MED23: variants seen among roughly 807,000 people sequenced by gnomAD.
MED23 encodes the protein mediator of RNA polymerase II transcription subunit 23.
MED23 carries 105 observed loss-of-function variants against 163.9 expected under a neutral mutation model. That is an observed-to-expected ratio of 0.64 (90% CI 0.55 to 0.75). The LOEUF (loss-of-function observed/expected upper bound fraction) is 0.75. Among genes scored for constraint, MED23 ranks in the 30% least tolerant of loss-of-function variants. MED23 has a pLI of 0.00. For missense variants in MED23, 1,054 were observed against 1,649.0 expected (o/e 0.64, Z 6.25); for synonymous variants, 561 against 565.6 (o/e 0.99, Z 0.12).
intron 14 of MED23, 129 bp from the exon 15 acceptor site, chr6:131,604,449 G>T: frequency 9.4e-7 from 1 of 1,065,988 alleles, no homozygotes; most frequent in Non-Finnish European, 1.4e-6. Context: ...TTCATTTAAT[G>T]TGTTTAAGCT....
Position 131,621,897 on chromosome 6 carries a change from A to T in MED23, c.479T>A (p.Leu160His). ...NTVSSAVVQQ[L>H]LAAREVIAYI... ...CTAAATTACCTCTCTTGCTGCCAGA[A>T]GCTGCTGTACAACAGCAGAGCTCAC... is the stretch of plus-strand genomic sequence containing the variant. Residue 160 changes from leucine (L) to histidine (H), a missense_variant, in exon 6 of 29, where the codon CTT becomes CAT. Physicochemically the swap from Leu to His is moderately conservative, Grantham distance 99. This residue lies in a region of MED23 where 227 missense variants were observed against 235.5 expected (regional missense o/e 0.96). Coordinates refer to ENST00000368068, the MANE Select transcript of MED23 (RefSeq NM_004830.4). 1 of 1,607,472 alleles carries T rather than the reference A, an allele frequency of 6.2e-7. No individual in the cohort carries two copies. The highest frequency in any genetic ancestry group is 1.7e-5 in the Admixed American group (1 of 59,020).
At chr6:131,582,686 T>C (rs2114545822), downstream of MED23, 9 of 1,613,886 alleles carry the variant, frequency 5.6e-6, no homozygotes, top group Non-Finnish European at 6.8e-6. Context: ...TTGTGTATAT[T>C]GGCTTGAGAG....
intron 3 of MED23, among the ~76,000 whole-genome samples, chr6:131,626,038 C>T (rs560775847): frequency 2.7e-5 from 4 of 148,246 alleles, no homozygotes; most frequent in African/African-American, 7.5e-5. Flanking sequence ...AGGAGAACGG[C>T]GTGAACCCGA....
Position 131,588,724 on chromosome 6 carries a change from T to C in MED23, c.3939+741A>G, listed in dbSNP as rs534004720. Among the ~76,000 whole-genome samples, 4 of 152,226 alleles carry C rather than the reference T, an allele frequency of 2.6e-5. No individual in the cohort carries two copies. In the South Asian group the frequency reaches 8.3e-4, roughly 32 times the overall value. On this transcript the variant is annotated intron_variant, in intron 28 of 28. Coordinates refer to ENST00000368068, the MANE Select transcript of MED23 (RefSeq NM_004830.4). ...CTTAACTTTCCCTATCTGTCCTACC[T>C]CCACTCCTTTAAAATGGCCCAGATT...
intron 23 of MED23, 60 bp from the exon 24 acceptor site, chr6:131,593,231 T>A (rs1011322010): frequency 6.3e-7 from 1 of 1,598,394 alleles, no homozygotes. Flanking sequence ...ATTTATCTGA[T>A]TATGAGCTGC....
chr6:131,599,978 C>A, intron 18 of MED23, 60 bp downstream of exon 18: 1 of 1,584,928 alleles, frequency 6.3e-7, no homozygotes, highest in South Asian at 1.1e-5. Flanking sequence ...TCTAGAACAC[C>A]ATTGTGAATG....
At chr6:131,582,543 AAT>A (rs1773980232), downstream of MED23, 3 of 1,064,750 alleles carry the variant, frequency 2.8e-6, no homozygotes, top group East Asian at 4.8e-5. Context: ...TACGCAATCC[AAT>A]ATGTGTCTTT....
At chr6:131,584,799 C>T (rs952113711), downstream of MED23, among the ~76,000 whole-genome samples, 2 of 142,356 alleles carry the variant, frequency 1.4e-5, no homozygotes, top group African/African-American at 5.3e-5. Flanking sequence ...ATGGTGAAAC[C>T]CCATCACTAC....
chr6:131,580,333 C>T (rs1357479805), intron 30 of MED23, among the ~76,000 whole-genome samples: 2 of 151,946 alleles, frequency 1.3e-5, no homozygotes, highest in Non-Finnish European at 2.9e-5. Flanking sequence ...AGACAAGAAA[C>T]CTAAAGGGAA....
chr6:131,576,839 A>T (rs1354849482), intron 30 of MED23: 1 of 1,029,718 alleles, frequency 9.7e-7, no homozygotes, highest in Non-Finnish European at 1.5e-6. Context: ...TTACATCAGA[A>T]TTGCGGTACT....
At chr6:131,586,228 A>G (rs934506180), downstream of MED23, among the ~76,000 whole-genome samples, 3 of 151,952 alleles carry the variant, frequency 2.0e-5, no homozygotes, top group African/African-American at 7.2e-5. Context: ...CCCCGTCTCT[A>G]CTAATACTAA....
rs1248275303 is a variant in MED23, at chr6:131,598,736, G to C, written c.2246C>G (p.Pro749Arg). Residue 749 changes from proline (P) to arginine (R), a missense_variant, in exon 19 of 29, where the codon CCT (proline) becomes CGT (arginine). Physicochemically the swap from Pro to Arg is moderately radical, Grantham distance 103 (BLOSUM62 -2). This residue lies in a region of MED23 where 228 missense variants were observed against 461.3 expected (regional missense o/e 0.49). Transcript: ENST00000368068. The surrounding 1 kb of genome is among the most constrained non-coding windows in gnomAD (Gnocchi z 4.7). ...TTTCAGATTAAAACGGCTTTCCTGA[G>C]GCACATTATTTTGTTTGAAGAATGC... ...LQAFFKQNNV[P>R]QESRFNLKKN... The C allele has an allele frequency of 1.2e-6, 2 of 1,613,916 alleles. No homozygotes were observed. Among genetic ancestry groups the C allele is most frequent in the Non-Finnish European group, 1.7e-6 (2 of 1,179,966 alleles).
At chr6:131,584,346 T>G, downstream of MED23, 1 of 173,216 alleles carries the variant, frequency 5.8e-6, no homozygotes, top group Admixed American at 5.9e-5. Context: ...TGTGTCTACA[T>G]ATTTCTAAAT....
chr6:131,596,419 A>C, intron 21 of MED23, 99 bp downstream of exon 21: 1 of 1,365,790 alleles, frequency 7.3e-7, no homozygotes, highest in Admixed American at 1.7e-5. Context: ...AGACAAGAGA[A>C]AAAACATTAG....
rs1273122298 is a variant in MED23, at chr6:131,598,255, G to C, written c.2607+32C>G. On this transcript the variant is annotated intron_variant, in intron 20 of 28. Coordinates refer to ENST00000368068, the MANE Select transcript of MED23 (RefSeq NM_004830.4). The surrounding 1 kb of genome is among the most constrained non-coding windows in gnomAD (Gnocchi z 4.7). Reference sequence around the variant, plus strand: ...ATATTAGTCATACATCTTGATCTAAGAGAATAAGCTTAGAAATGTATTTAT... The same window carrying C: ...ATATTAGTCATACATCTTGATCTAACAGAATAAGCTTAGAAATGTATTTAT... The C allele has an allele frequency of 6.3e-7, 1 of 1,585,986 alleles. No homozygotes were observed. The highest frequency in any genetic ancestry group is 1.7e-5 in the Admixed American group (1 of 59,960).
intron 30 of MED23, among the ~76,000 whole-genome samples, chr6:131,577,992 G>A (rs573949873): frequency 6.6e-6 from 1 of 151,118 alleles, no homozygotes; most frequent in African/African-American, 2.4e-5. Context: ...AGACAAGAAA[G>A]ACTACATGTA....
Position 131,591,297 on chromosome 6 carries a change from A to G in MED23, c.3686+16T>C, listed in dbSNP as rs1446003219. ...CCAGCCTACGTCAAATTTCTTTAAG[A>G]AATTATTATACTTACTTTGGAATGA... On this transcript the variant is annotated intron_variant, in intron 26 of 28. Transcript: ENST00000368068. 2 of 1,595,136 alleles carry G rather than the reference A, an allele frequency of 1.3e-6. No homozygotes were observed. Among genetic ancestry groups the G allele is most frequent in the African/African-American group, 2.7e-5 (2 of 74,482 alleles).
At chr6:131,624,180 C>T (rs1482535267) in intron 4 of MED23, among the ~76,000 whole-genome samples, 2 of 152,118 alleles carry the variant, frequency 1.3e-5, no homozygotes, top group Non-Finnish European at 2.9e-5. Flanking sequence ...ACATTTCTCC[C>T]AAGGAGAGGT....
intron 5 of MED23, among the ~76,000 whole-genome samples, chr6:131,622,552 A>G (rs1356000394): frequency 6.6e-6 from 1 of 152,226 alleles, no homozygotes; most frequent in Non-Finnish European, 1.5e-5. Context: ...TTCAACATTT[A>G]TTTATTGACT....
Sources: allele counts gnomAD v4.1 joint callset (sites outside exome capture counted in the v4.1 genomes callset), GRCh38; gene constraint gnomAD v4.1.1; regional missense constraint gnomAD v4.1.1; non-coding constraint Gnocchi (gnomAD v3.1); transcripts MANE v1.5; gene names NCBI Gene and HGNC (gene_info 2026-07-23, HGNC 2026-07-21).